TRIM71: variants seen among roughly 807,000 people sequenced by gnomAD.
TRIM71 encodes the protein tripartite motif containing 71, also known as E3 ubiquitin-protein ligase TRIM71.
TRIM71 carries 9 observed loss-of-function variants against 61.2 expected under a neutral mutation model. That is an observed-to-expected ratio of 0.15 (90% CI 0.09 to 0.26). The LOEUF (loss-of-function observed/expected upper bound fraction) is 0.26, where lower values mean the gene tolerates loss of function less well. Ranked by LOEUF, TRIM71 falls within the 10% of genes least tolerant of loss-of-function variation. The pLI is 1.00. For synonymous variants in TRIM71, 645 were observed against 553.2 expected (o/e 1.17, Z -2.33); for missense variants, 998 against 1,238.7 (o/e 0.81, Z 2.92).
Position 32,828,269 on chromosome 3 carries a change from GGA to G in TRIM71, c.852+9341_852+9342del, listed in dbSNP as rs1406026004. Among the ~76,000 whole-genome samples, 5 of 152,246 alleles carry G rather than the reference GGA, an allele frequency of 3.3e-5. No individual in the cohort carries two copies. In the East Asian group the frequency reaches 9.6e-4, roughly 29 times the overall value. On this transcript the variant is annotated intron_variant, in intron 1 of 3. Coordinates refer to ENST00000383763, the MANE Select transcript of TRIM71 (RefSeq NM_001039111.3). The stretch of plus-strand genomic sequence containing the variant: ...AAATGTTGTAGATAAGCATTGAGCA[GGA>G]GAGTAGAAAGTTTAGGTAACAGTTG...
At chr3:32,832,300 C>T (rs543595707) in intron 1 of TRIM71, among the ~76,000 whole-genome samples, 13 of 152,154 alleles carry the variant, frequency 8.5e-5, no homozygotes, top group Middle Eastern at 3.4e-3. Flanking sequence ...AGACCCTGTC[C>T]GTACAAATTA....
At chr3:32,824,825 C>T (rs775552259) in intron 1 of TRIM71, among the ~76,000 whole-genome samples, 7 of 151,958 alleles carry the variant, frequency 4.6e-5, no homozygotes, top group Admixed American at 3.9e-4. Flanking sequence ...GATGGAGTCT[C>T]GCTGTGTCAC....
chr3:32,874,305 G>T (rs1696829866), intron 2 of TRIM71, among the ~76,000 whole-genome samples: 1 of 150,822 alleles, frequency 6.6e-6, no homozygotes, highest in Non-Finnish European at 1.5e-5. Flanking sequence ...CTGCAGAAAG[G>T]CTGGGTGCTT....
intron 1 of TRIM71, among the ~76,000 whole-genome samples, chr3:32,844,427 C>T (rs769558423): frequency 3.3e-5 from 5 of 152,148 alleles, no homozygotes; most frequent in East Asian, 1.9e-4. Context: ...GACTGGGTCT[C>T]GGCCTGTCAC....
intron 1 of TRIM71, among the ~76,000 whole-genome samples, chr3:32,855,856 C>T (rs1358299595): frequency 6.6e-6 from 1 of 152,164 alleles, no homozygotes; most frequent in Non-Finnish European, 1.5e-5. Context: ...TTCAGAGGGA[C>T]AGCATACAGG....
intron 1 of TRIM71, among the ~76,000 whole-genome samples, chr3:32,850,188 T>G (rs1228291571): frequency 6.6e-6 from 1 of 152,196 alleles, no homozygotes. Context: ...ATACTAATCC[T>G]GTGGCAAATC....
intron 2 of TRIM71, among the ~76,000 whole-genome samples, chr3:32,878,427 C>T (rs947194423): frequency 2.0e-5 from 3 of 152,084 alleles, no homozygotes. Context: ...CTGACTAACA[C>T]AGAGAAACAG....
At chr3:32,874,030 C>T in intron 2 of TRIM71, 45 bp downstream of exon 2, 1 of 1,544,372 alleles carries the variant, frequency 6.5e-7, no homozygotes, top group Non-Finnish European at 8.7e-7. Context: ...GAATCGAGCC[C>T]CCCTTTCTGT....
At chr3:32,866,832 A>G (rs977207108) in intron 1 of TRIM71, among the ~76,000 whole-genome samples, 1 of 152,032 alleles carries the variant, frequency 6.6e-6, no homozygotes, top group African/African-American at 2.4e-5. Context: ...CTGCTGTTGG[A>G]GAGGAGTAAT....
chr3:32,897,234 G>A lies in TRIM71; in HGVS notation c.*5423G>A, dbSNP rs1167247621. On this transcript the variant is annotated 3_prime_UTR_variant, in exon 4 of 4. Coordinates refer to ENST00000383763, the MANE Select transcript of TRIM71 (RefSeq NM_001039111.3). ...ATAAACAATTGGGGGAATTAATGTG[G>A]GCAAGTTGCCTTATGTTAGAATGAC... 1 of 151,846 alleles carries A rather than the reference G, an allele frequency of 6.6e-6. No homozygotes were observed. The highest frequency in any genetic ancestry group is 1.5e-5 in the Non-Finnish European group (1 of 67,990). The allele number at this position is 151,846 out of a possible 1,614,324, so 9.4% of individuals were successfully genotyped here.
At chr3:32,879,772 A>C (rs1482572922) in intron 2 of TRIM71, among the ~76,000 whole-genome samples, 2 of 151,882 alleles carry the variant, frequency 1.3e-5, no homozygotes, top group Non-Finnish European at 2.9e-5. Context: ...CAGGAATTCT[A>C]TACCAGCCTG....
intron 1 of TRIM71, among the ~76,000 whole-genome samples, chr3:32,866,106 G>A (rs920291418): frequency 2.6e-5 from 4 of 151,790 alleles, no homozygotes; most frequent in Admixed American, 6.6e-5. Context: ...GATTACAGGC[G>A]TGAGCCACCA....
chr3:32,864,823 A>T (rs535615874), intron 1 of TRIM71, among the ~76,000 whole-genome samples: 4 of 150,570 alleles, frequency 2.7e-5, no homozygotes, highest in Non-Finnish European at 5.9e-5. Context: ...CAACATCATG[A>T]TTATACTTTT....
In TRIM71 at chr3:32,818,327, G is replaced by C; in HGVS notation, c.247G>C (p.Ala83Pro). The C allele has an allele frequency of 6.9e-7, 1 of 1,444,196 alleles. No homozygotes were observed. Among genetic ancestry groups the C allele is most frequent in the African/African-American group, 1.5e-5 (1 of 67,100 alleles). The allele number at this position is 1,444,196 out of a possible 1,614,324, so 89.5% of individuals were successfully genotyped here. ...HRLPAAGGGA[A>P]GEPLKLRCPV... ...GCTGCCGGCGGCGGGCGGCGGCGCG[G>C]CGGGAGAGCCGCTCAAGCTGCGCTG... Residue 83 changes from alanine to proline, a missense_variant, in exon 1 of 4, where the codon GCG (alanine) becomes CCG (proline). Coordinates refer to ENST00000383763, the MANE Select transcript of TRIM71 (RefSeq NM_001039111.3).
intron 1 of TRIM71, among the ~76,000 whole-genome samples, chr3:32,834,960 C>G (rs959376163): frequency 6.6e-6 from 1 of 152,226 alleles, no homozygotes; most frequent in Non-Finnish European, 1.5e-5. Context: ...CTATCAGTTC[C>G]TCTTTGTCCT....
chr3:32,826,652 G>T (rs180684357), intron 1 of TRIM71, among the ~76,000 whole-genome samples: 84 of 136,864 alleles, frequency 6.1e-4, no homozygotes, highest in Middle Eastern at 5.0e-3. Flanking sequence ...CACCATGTTG[G>T]TCAGGCTGGT....
intron 1 of TRIM71, among the ~76,000 whole-genome samples, chr3:32,827,628 AC>A (rs1298981052): frequency 6.6e-6 from 1 of 152,190 alleles, no homozygotes; most frequent in African/African-American, 2.4e-5. Context: ...CATTTTGTCA[AC>A]ATTAATAGGT....
chr3:32,872,568 G>T (rs970756378), intron 1 of TRIM71, among the ~76,000 whole-genome samples: 1 of 152,166 alleles, frequency 6.6e-6, no homozygotes, highest in Non-Finnish European at 1.5e-5. Context: ...ACAACACTCT[G>T]CCTTGCTTCT....
chr3:32,838,850 G>C (rs1397157583), intron 1 of TRIM71, among the ~76,000 whole-genome samples: 2 of 152,010 alleles, frequency 1.3e-5, no homozygotes, highest in Non-Finnish European at 2.9e-5. Context: ...ACCCAAGTTG[G>C]AGTGCAGTGT....
Sources: allele counts gnomAD v4.1 joint callset (sites outside exome capture counted in the v4.1 genomes callset), GRCh38; gene constraint gnomAD v4.1.1; transcripts MANE v1.5; gene names NCBI Gene and HGNC (gene_info 2026-07-23, HGNC 2026-07-21).